SPAG16: variants seen among roughly 807,000 people sequenced by gnomAD.
SPAG16 encodes sperm associated antigen 16, also known as sperm-associated antigen 16 protein.
In SPAG16, 86 loss-of-function variants were observed where a neutral mutation model predicts 80.4. The ratio of observed to expected loss-of-function variants is 1.07; its 90% confidence interval spans 0.90 to 1.28. SPAG16 has a LOEUF of 1.28. Among genes scored for constraint, SPAG16 ranks in the 50% most tolerant of loss-of-function variants. SPAG16 has a pLI of 0.00. For synonymous variants in SPAG16, 294 were observed against 265.9 expected (o/e 1.11, Z -1.03); for missense variants, 870 against 765.3 (o/e 1.14, Z -1.61).
At chr2:213,994,117 A>T (rs999212275) in intron 12 of SPAG16, among the ~76,000 whole-genome samples, 2 of 151,532 alleles carry the variant, frequency 1.3e-5, no homozygotes, top group African/African-American at 4.9e-5. Context: ...TATGTGTGTG[A>T]TTTTTTTTTC....
chr2:213,638,644 A>G (rs2062462126), intron 10 of SPAG16, among the ~76,000 whole-genome samples: 1 of 151,968 alleles, frequency 6.6e-6, no homozygotes, highest in Non-Finnish European at 1.5e-5. Context: ...ATTTATTGAG[A>G]CTTGTTTTGT....
chr2:214,183,280 A>G (rs567797858), intron 15 of SPAG16, among the ~76,000 whole-genome samples: 7 of 152,068 alleles, frequency 4.6e-5, no homozygotes, highest in South Asian at 4.1e-4. Context: ...TGAGATTACT[A>G]TGCCCTATTA....
intron 11 of SPAG16, among the ~76,000 whole-genome samples, chr2:213,885,960 C>T (rs981154329): frequency 6.6e-6 from 1 of 152,054 alleles, no homozygotes; most frequent in Non-Finnish European, 1.5e-5. Context: ...CCAAAATATA[C>T]AGGAGAAACT....
intron 15 of SPAG16, among the ~76,000 whole-genome samples, chr2:214,270,024 A>G (rs1691880287): frequency 6.6e-6 from 1 of 152,190 alleles, no homozygotes; most frequent in African/African-American, 2.4e-5. Context: ...GTTATTATCA[A>G]TATGTTTAGT....
intron 11 of SPAG16, among the ~76,000 whole-genome samples, chr2:213,900,869 G>T (rs2077193106): frequency 6.6e-6 from 1 of 152,036 alleles, no homozygotes; most frequent in African/African-American, 2.4e-5. Context: ...ATTACATTCT[G>T]CTCTGTCCCA....
At chr2:213,686,233 C>T (rs2064663687) in intron 10 of SPAG16, among the ~76,000 whole-genome samples, 1 of 152,182 alleles carries the variant, frequency 6.6e-6, no homozygotes, top group South Asian at 2.1e-4. Context: ...ATTCTCCTGC[C>T]TCAGCCTCCT....
chr2:214,173,208 T>A (rs2056944573), intron 15 of SPAG16, among the ~76,000 whole-genome samples: 1 of 152,146 alleles, frequency 6.6e-6, no homozygotes, highest in African/African-American at 2.4e-5. Context: ...GTAGGTTTTC[T>A]TCTAGGGTTT....
rs772358052 is a variant in SPAG16, at chr2:213,926,383, G to A, written c.1215-3577G>A. Among the ~76,000 whole-genome samples the A allele has an allele frequency of 1.5e-4, 23 of 151,802 alleles. 1 individual carries two copies. The highest frequency in any genetic ancestry group is 3.4e-3 in the Middle Eastern group (1 of 294). ...CCCAATCTGTAGTCTTTTACCCCTC[G>A]CCCCACTTCCATTCCACCCTTTCCT... On this transcript the variant is annotated intron_variant, in intron 11 of 15. Transcript: ENST00000331683.
chr2:213,931,590 T>A (rs2078753372), intron 12 of SPAG16, among the ~76,000 whole-genome samples: 1 of 152,172 alleles, frequency 6.6e-6, no homozygotes, highest in Non-Finnish European at 1.5e-5. Context: ...TCTTTAGAAC[T>A]CTTAACTACC....
At chr2:213,661,683 C>G (rs1322529706) in intron 10 of SPAG16, among the ~76,000 whole-genome samples, 1 of 152,118 alleles carries the variant, frequency 6.6e-6, no homozygotes, top group Non-Finnish European at 1.5e-5. Context: ...TCCTTCATCA[C>G]TCATTTTGTC....
At chr2:214,099,857 T>C (rs1334853153) in intron 13 of SPAG16, among the ~76,000 whole-genome samples, 1 of 152,102 alleles carries the variant, frequency 6.6e-6, no homozygotes, top group Non-Finnish European at 1.5e-5. Flanking sequence ...CATATCGCAA[T>C]CTGAATAACA....
intron 13 of SPAG16, among the ~76,000 whole-genome samples, chr2:214,061,662 T>A (rs975630868): frequency 2.6e-5 from 4 of 151,998 alleles, no homozygotes; most frequent in African/African-American, 7.3e-5. Context: ...TGATTGCATC[T>A]AAAATATACC....
chr2:213,810,724 G>A (rs1201485900), intron 10 of SPAG16, among the ~76,000 whole-genome samples: 1 of 152,178 alleles, frequency 6.6e-6, no homozygotes, highest in Non-Finnish European at 1.5e-5. Context: ...TAGTTTCGTG[G>A]TGCGGAAGTA....
rs188144256 is a variant in SPAG16 at position 213,629,199 on chromosome 2, A to G, written c.1070+139109A>G. ...GTAACACAAACTTACTTAGTATGTGACTATTTTTGACTTGTCCCTTCAACA... is the reference window on the plus strand; with the variant it reads ...GTAACACAAACTTACTTAGTATGTGGCTATTTTTGACTTGTCCCTTCAACA... On this transcript the variant is annotated intron_variant, in intron 10 of 15. Transcript: ENST00000331683. Among the ~76,000 whole-genome samples, 495 of 152,304 alleles carry G rather than the reference A, an allele frequency of 3.3e-3. 1 individual carries two copies. Among genetic ancestry groups the G allele is most frequent in the Non-Finnish European group, 5.7e-3 (385 of 68,014 alleles).
At chr2:213,643,948 T>A (rs1447815652) in intron 10 of SPAG16, among the ~76,000 whole-genome samples, 1 of 150,984 alleles carries the variant, frequency 6.6e-6, no homozygotes, top group Non-Finnish European at 1.5e-5. Flanking sequence ...GCCTGGCTAA[T>A]TTTTGTATTT....
intron 9 of SPAG16, among the ~76,000 whole-genome samples, chr2:213,447,673 A>C (rs1377473152): frequency 6.6e-6 from 1 of 152,120 alleles, no homozygotes; most frequent in East Asian, 1.9e-4. Flanking sequence ...TGCTTTGTTT[A>C]CCTCCAGCCT....
intron 12 of SPAG16, among the ~76,000 whole-genome samples, chr2:213,983,797 A>C (rs1205774487): frequency 6.6e-6 from 1 of 152,036 alleles, no homozygotes; most frequent in Admixed American, 6.6e-5. Flanking sequence ...ATTACCTACT[A>C]TTCTTGTCCT....
At chr2:214,399,951 A>C (rs1185014871) in intron 15 of SPAG16, among the ~76,000 whole-genome samples, 1 of 152,108 alleles carries the variant, frequency 6.6e-6, no homozygotes, top group African/African-American at 2.4e-5. Context: ...TGCATAGGTG[A>C]AGACCAAGTT....
rs181218033 is a variant in SPAG16 at position 213,694,391 on chromosome 2, C to T, written c.1071-168094C>T. On this transcript the variant is annotated intron_variant, in intron 10 of 15. Transcript: ENST00000331683. Reference sequence around the variant, plus strand: ...TAATTGTTCACAATTTTACTATGCACTCACTTTCCATTCTACTCTATTAAT... The same window carrying T: ...TAATTGTTCACAATTTTACTATGCATTCACTTTCCATTCTACTCTATTAAT... 1.5e-3 allele frequency among the ~76,000 whole-genome samples: 234 copies of T among 152,280 alleles called. 2 individuals carry two copies. Among genetic ancestry groups the T allele is most frequent in the African/African-American group, 5.1e-3 (212 of 41,554 alleles).
Sources: gnomAD v4.1 joint callset for allele counts (sites outside exome capture counted in the v4.1 genomes callset) on GRCh38, gnomAD v4.1.1 for gene constraint, MANE v1.5 for transcripts, NCBI Gene and HGNC (gene_info 2026-07-23, HGNC 2026-07-21) for gene names.